PRORP: variants seen among roughly 807,000 people sequenced by gnomAD.
PRORP encodes the protein protein only RNase P catalytic subunit, also known as mitochondrial ribonuclease P catalytic subunit.
Under a neutral mutation model 59.4 loss-of-function variants are expected in PRORP, and 51 were observed. The ratio of observed to expected loss-of-function variants is 0.86; its 90% CI spans 0.69 to 1.08. PRORP has a LOEUF of 1.08. Ranked by LOEUF, PRORP falls within the 50% of genes least tolerant of loss-of-function variation. PRORP has a pLI of 0.00. For synonymous variants in PRORP, 231 were observed against 245.6 expected (o/e 0.94, Z 0.55); for missense variants, 646 against 690.3 (o/e 0.94, Z 0.72).
chr14:35,223,403 A>T (rs1249439880), intron 5 of PRORP, among the ~76,000 whole-genome samples: 1 of 151,452 alleles, frequency 6.6e-6, no homozygotes, highest in Non-Finnish European at 1.5e-5. Flanking sequence ...CGTGAGCCGT[A>T]GTGACACTTG....
chr14:35,125,171 A>T (rs151193425), intron 2 of PRORP, among the ~76,000 whole-genome samples: 1 of 152,124 alleles, frequency 6.6e-6, no homozygotes, highest in African/African-American at 2.4e-5. Context: ...TATTCTGTCT[A>T]CTATCTATAG....
At chr14:35,201,304 T>C (rs1460780704) in intron 5 of PRORP, among the ~76,000 whole-genome samples, 3 of 152,220 alleles carry the variant, frequency 2.0e-5, no homozygotes, top group Non-Finnish European at 4.4e-5. Context: ...GAAGTCACTA[T>C]GTGCAGCCCT....
intron 5 of PRORP, among the ~76,000 whole-genome samples, chr14:35,201,623 A>G (rs577340374): frequency 2.3e-4 from 34 of 150,920 alleles, no homozygotes; most frequent in Middle Eastern, 3.4e-3. Flanking sequence ...GCCTCATTGT[A>G]TACAAAATTT....
chr14:35,187,430 T>TG (rs967418527), intron 5 of PRORP, among the ~76,000 whole-genome samples: 29 of 148,362 alleles, frequency 2.0e-4, no homozygotes, highest in African/African-American at 6.9e-4. Flanking sequence ...GTTTCTTTGT[T>TG]TTTTTTTTTT....
At chr14:35,237,834 C>T (rs1214093221) in intron 5 of PRORP, among the ~76,000 whole-genome samples, 7 of 151,786 alleles carry the variant, frequency 4.6e-5, no homozygotes, top group African/African-American at 9.7e-5. Flanking sequence ...TTTTGTATTT[C>T]TAGTAGAGAC....
chr14:35,192,301 A>G (rs999850040), intron 5 of PRORP, among the ~76,000 whole-genome samples: 9 of 152,150 alleles, frequency 5.9e-5, no homozygotes, highest in African/African-American at 9.7e-5. Flanking sequence ...CAGCACCTCA[A>G]AGGTCTTTCT....
intron 4 of PRORP, chr14:35,157,922 T>C (rs2047958208): frequency 1.1e-5 from 2 of 182,010 alleles, no homozygotes; most frequent in Non-Finnish European, 2.4e-5. Context: ...CTTTATTCTT[T>C]TTCTTTTTGA....
intron 5 of PRORP, among the ~76,000 whole-genome samples, chr14:35,231,246 T>C (rs778787054): frequency 6.6e-6 from 1 of 152,218 alleles, no homozygotes; most frequent in Non-Finnish European, 1.5e-5. Context: ...TTTAATCTAC[T>C]AAACTCCTAA....
At chr14:35,158,718 C>A in intron 4 of PRORP, 1 of 391,608 alleles carries the variant, frequency 2.6e-6, no homozygotes, top group Non-Finnish European at 5.0e-6. Flanking sequence ...TTACTATTAT[C>A]TACTGCATCT....
chr14:35,265,828 C>T (rs1356446292), intron 5 of PRORP, among the ~76,000 whole-genome samples: 1 of 151,884 alleles, frequency 6.6e-6, no homozygotes, highest in African/African-American at 2.4e-5. Context: ...AAATCCCATC[C>T]CTCTTGAGCC....
chr14:35,124,953 T>C (rs1265261865), intron 2 of PRORP, among the ~76,000 whole-genome samples: 2 of 151,344 alleles, frequency 1.3e-5, no homozygotes, highest in Non-Finnish European at 2.9e-5. Flanking sequence ...TTGTAACCTT[T>C]GCCTCCCGGG....
chr14:35,261,294 T>A (rs769785149), intron 5 of PRORP, among the ~76,000 whole-genome samples: 2 of 152,302 alleles, frequency 1.3e-5, no homozygotes, highest in Non-Finnish European at 2.9e-5. Flanking sequence ...TCTTCTTATG[T>A]TTATTTTATA....
intron 5 of PRORP, among the ~76,000 whole-genome samples, chr14:35,202,487 G>T (rs923788697): frequency 2.6e-5 from 4 of 152,080 alleles, no homozygotes; most frequent in South Asian, 4.2e-4. Flanking sequence ...TTTGATTTTT[G>T]TTTTTGTGTT....
chr14:35,259,332 A>G (rs182669584), intron 5 of PRORP, among the ~76,000 whole-genome samples: 46 of 151,876 alleles, frequency 3.0e-4, no homozygotes, highest in Non-Finnish European at 4.0e-4. Context: ...CCACCAGTCT[A>G]TTTGATTATA....
At chr14:35,160,334 C>G (rs78120092) in intron 4 of PRORP, among the ~76,000 whole-genome samples, 1 of 152,218 alleles carries the variant, frequency 6.6e-6, no homozygotes, top group East Asian at 1.9e-4. Context: ...ACTTGGATAA[C>G]TTTCACAGGC....
intron 4 of PRORP, among the ~76,000 whole-genome samples, chr14:35,162,392 C>T (rs143418577): frequency 7.2e-5 from 11 of 152,076 alleles, no homozygotes; most frequent in Middle Eastern, 3.4e-3. Flanking sequence ...TGATCTTTGC[C>T]TATATGAAGT....
At chr14:35,200,182 T>TTTTG (rs149290991) in intron 5 of PRORP, among the ~76,000 whole-genome samples, 8 of 151,846 alleles carry the variant, frequency 5.3e-5, no homozygotes, top group African/African-American at 1.5e-4. Context: ...ATGCAAAATT[T>TTTTG]TTTGTTTGTT....
Position 35,171,100 on chromosome 14 carries a change from C to T in PRORP, c.1168-9570C>T, listed in dbSNP as rs375033791. ...CCGACCTCAGGTGATCCACCCACCT[C>T]GGCCTCCCAAAGTGCTGGGATTACA... On this transcript the variant is annotated intron_variant, in intron 4 of 7. Transcript: ENST00000534898. 3.3e-4 allele frequency among the ~76,000 whole-genome samples: 50 copies of T among 152,234 alleles called. No homozygotes were observed. The South Asian group carries it at 9.8e-3, about 30-fold the overall frequency.
At chr14:35,128,771 A>G (rs2047160203) in intron 4 of PRORP, among the ~76,000 whole-genome samples, 1 of 152,110 alleles carries the variant, frequency 6.6e-6, no homozygotes, top group South Asian at 2.1e-4. Flanking sequence ...TAACTTTTCA[A>G]AAAACCAACT....
Sources: allele counts gnomAD v4.1 joint callset (sites outside exome capture counted in the v4.1 genomes callset), GRCh38; gene constraint gnomAD v4.1.1; transcripts MANE v1.5; gene names NCBI Gene and HGNC (gene_info 2026-07-23, HGNC 2026-07-21).